The following NDEL1 variants were observed in gnomAD, a reference collection of about 807,000 sequenced individuals.
NDEL1 encodes the protein nuclear distribution protein nudE-like 1.
NDEL1 carries 9 observed loss-of-function variants against 45.7 expected under a neutral mutation model. That is an observed-to-expected ratio of 0.20 (90% CI 0.12 to 0.34). NDEL1 has a LOEUF of 0.34. NDEL1 is among the 10% of genes least tolerant of loss of function. The pLI is 1.00. For missense variants in NDEL1, 306 were observed against 406.2 expected, an observed-to-expected ratio of 0.75 and a Z score of 2.12; for synonymous variants, 133 against 158.6, an observed-to-expected ratio of 0.84 and a Z score of 1.21.
In NDEL1 at chr17:8,459,616, G is replaced by GT. The variant is rs545094002; in HGVS notation, c.793-387dup. Among the ~76,000 whole-genome samples, 606 of 152,240 alleles carry GT rather than the reference G, an allele frequency of 4.0e-3. 2 individuals are homozygous for GT. The highest frequency in any genetic ancestry group is 0.014 in the African/African-American group (574 of 41,538). ...AAAAATTCTCAAGTGATATTTTTGG[G>GT]TTTTTTAATAGTGCTTGCTCCCAAA... is the stretch of plus-strand genomic sequence containing the variant. On this transcript the variant is annotated intron_variant, in intron 7 of 8. Coordinates refer to ENST00000334527, the MANE Select transcript of NDEL1 (RefSeq NM_030808.5).
rs1911562245 is a variant in NDEL1, at chr17:8,465,998, G to A, written c.945-932G>A. The A allele has an allele frequency of 6.5e-6, 1 of 153,114 alleles. No homozygotes were observed. The highest frequency in any genetic ancestry group is 2.4e-5 in the African/African-American group (1 of 41,434). 9.5% of individuals were successfully genotyped at this position (153,114 alleles called of 1,614,324 possible). The stretch of plus-strand genomic sequence containing the variant: ...CCTGTGTCGCTGGGCTCCGGGTGCT[G>A]GGTCCTGGCTGCAGGCTATTGGGTT... On this transcript the variant is annotated intron_variant, in intron 8 of 8. Transcript: ENST00000334527. This position sits in a 1 kb window ranked among gnomAD's most constrained non-coding sequence, Gnocchi z 4.9.
In NDEL1 at chr17:8,468,041, T is replaced by A. The variant is rs951272427; in HGVS notation, c.*1018T>A. ...ATTTATTCAGAACGCATACGGCATG[T>A]TAATGACTCTGATGGTGTCCTCCTC... On this transcript the variant is annotated 3_prime_UTR_variant, in exon 9 of 9. Transcript: ENST00000334527. The A allele has an allele frequency of 2.6e-5, 4 of 152,658 alleles. No homozygotes were observed. The highest frequency in any genetic ancestry group is 9.6e-5 in the African/African-American group (4 of 41,452). The allele number at this position is 152,658 out of a possible 1,614,324, so 9.5% of individuals were successfully genotyped here. A position where few individuals can be genotyped will look rare whatever the true frequency, so the allele number is the denominator to read the frequency against.
Position 8,436,024 on chromosome 17 carries a change from A to G in NDEL1, c.-34A>G. On this transcript the variant is annotated 5_prime_UTR_variant, in exon 1 of 9. The change abolishes an upstream ATG in the 5' untranslated region. Transcript: ENST00000334527. The stretch of plus-strand genomic sequence containing the variant: ...AGACGTCGGTTGAGCGGCGGCGAAC[A>G]TGCGCTTTTGACACATTGGAGGTGA... 1 of 447,078 alleles carries G rather than the reference A, an allele frequency of 2.2e-6. No homozygotes were observed. The highest frequency in any genetic ancestry group is 4.5e-6 in the Non-Finnish European group (1 of 223,532). The allele number at this position is 447,078 out of a possible 1,614,324, so 27.7% of individuals were successfully genotyped here.
chr17:8,464,260 C>T (rs896166822), intron 8 of NDEL1: 1 of 151,878 alleles, frequency 6.6e-6, no homozygotes, highest in Non-Finnish European at 1.5e-5. Context: ...CTTTTTTTTA[C>T]ATATATGATT....
chr17:8,452,328 C>T (rs758709427), intron 6 of NDEL1, among the ~76,000 whole-genome samples: 2 of 152,150 alleles, frequency 1.3e-5, no homozygotes, highest in Non-Finnish European at 2.9e-5. Flanking sequence ...CGGTGACACC[C>T]ACAGGTGGTG....
chr17:8,434,980 G>A (rs1239278625), upstream of NDEL1, among the ~76,000 whole-genome samples: 3 of 152,104 alleles, frequency 2.0e-5, no homozygotes, highest in Non-Finnish European at 2.9e-5. Flanking sequence ...TGAGGCAGGA[G>A]AATTGCTTAA....
chr17:8,440,513 CAAA>C (rs34423110), intron 1 of NDEL1, among the ~76,000 whole-genome samples: 4 of 137,828 alleles, frequency 2.9e-5, no homozygotes, highest in Admixed American at 7.2e-5. Flanking sequence ...GACTCCATCT[CAAA>C]AAAAAAAAAA....
intron 4 of NDEL1, among the ~76,000 whole-genome samples, chr17:8,448,012 A>G (rs1353888717): frequency 6.6e-6 from 1 of 151,902 alleles, no homozygotes; most frequent in Non-Finnish European, 1.5e-5. Context: ...AACCAATCAG[A>G]GGCTGAAGTG....
At chr17:8,466,881 G>A in intron 8 of NDEL1, 49 bp from the exon 9 acceptor site, 2 of 1,545,254 alleles carry the variant, frequency 1.3e-6, no homozygotes, top group South Asian at 1.1e-5. Context: ...TTTTAAATGA[G>A]TTTTTCGTTT....
chr17:8,472,766 C>T (rs1014340553), downstream of NDEL1, among the ~76,000 whole-genome samples: 3 of 152,188 alleles, frequency 2.0e-5, no homozygotes, highest in African/African-American at 7.2e-5. Flanking sequence ...AAACTGGCAT[C>T]TATGATGTGG....
At chr17:8,423,861 G>C (rs970047102) in intron 1 of NDEL1, among the ~76,000 whole-genome samples, 1 of 152,140 alleles carries the variant, frequency 6.6e-6, no homozygotes, top group African/African-American at 2.4e-5. Flanking sequence ...GGTCACTCTT[G>C]TATCTACTGG....
intron 1 of NDEL1, among the ~76,000 whole-genome samples, chr17:8,438,328 G>A (rs1909492052): frequency 6.6e-6 from 1 of 152,134 alleles, no homozygotes; most frequent in Non-Finnish European, 1.5e-5. Flanking sequence ...CATTGTTTTA[G>A]CAGTATGTTT....
rs146285727 is a variant in NDEL1, at chr17:8,413,728, T to G, written c.-13+459T>G. Among the ~76,000 whole-genome samples the G allele has an allele frequency of 5.8e-3, 886 of 152,340 alleles. 5 individuals carry two copies. The highest frequency in any genetic ancestry group is 0.02 in the African/African-American group (837 of 41,574). ...ACTTCACTGCTCATGGGCCATTTGCTTCCCTCTGAACGTGTTTTCTCATCT... is the reference window on the plus strand; with the variant it reads ...ACTTCACTGCTCATGGGCCATTTGCGTCCCTCTGAACGTGTTTTCTCATCT... On this transcript the variant is annotated intron_variant, in intron 1 of 4. Coordinates refer to the NDEL1 transcript ENST00000582812.
chr17:8,435,888 C>T lies in NDEL1; in HGVS notation c.-170C>T, dbSNP rs755251030. 1.6e-5 allele frequency: 7 copies of T among 447,544 alleles called. No individual in the cohort carries two copies. Among genetic ancestry groups the T allele is most frequent in the Non-Finnish European group, 3.1e-5 (7 of 223,574 alleles). The allele number at this position is 447,544 out of a possible 1,614,324, so 27.7% of individuals were successfully genotyped here. On this transcript the variant is annotated 5_prime_UTR_variant, in exon 1 of 9. Transcript: ENST00000334527. ...AATGGCCTCGGACACCCAGGCAGTC[C>T]CTGACGTGTCGGGGAGGAGCCGGGC...
At chr17:8,420,641 A>T (rs575258165) in intron 1 of NDEL1, among the ~76,000 whole-genome samples, 1 of 152,372 alleles carries the variant, frequency 6.6e-6, no homozygotes, top group East Asian at 1.9e-4. Flanking sequence ...AACACAGATA[A>T]GTCAGATGTA....
At chr17:8,445,970 A>G in intron 3 of NDEL1, 106 bp downstream of exon 3, 1 of 1,148,608 alleles carries the variant, frequency 8.7e-7, no homozygotes, top group Non-Finnish European at 1.2e-6. Context: ...AATAGTTTGA[A>G]AAAAACGCTT....
intron 1 of NDEL1, among the ~76,000 whole-genome samples, chr17:8,427,466 C>T (rs1374403416): frequency 2.6e-5 from 4 of 151,988 alleles, no homozygotes; most frequent in East Asian, 1.9e-4. Context: ...TTTGGGAGGC[C>T]GAGGCAGGCA....
chr17:8,468,441 G>A (rs924824661), downstream of NDEL1, among the ~76,000 whole-genome samples: 5 of 152,254 alleles, frequency 3.3e-5, no homozygotes, highest in African/African-American at 1.2e-4. Flanking sequence ...TGTTGAGGGC[G>A]GAAGTTCACA....
intron 3 of NDEL1, 68 bp downstream of exon 3, chr17:8,445,932 A>AG: frequency 7.5e-7 from 1 of 1,330,942 alleles, no homozygotes; most frequent in Non-Finnish European, 9.8e-7. Flanking sequence ...TATGTTTTTC[A>AG]GGTGCTTAAG....
Sources: gnomAD v4.1 joint callset for allele counts (sites outside exome capture counted in the v4.1 genomes callset) on GRCh38, gnomAD v4.1.1 for gene constraint, Gnocchi (gnomAD v3.1) non-coding constraint, MANE v1.5 for transcripts, NCBI Gene and HGNC (gene_info 2026-07-23, HGNC 2026-07-21) for gene names.